SOX5: variants seen among roughly 807,000 people sequenced by gnomAD.
SOX5 encodes the protein transcription factor SOX-5.
A neutral mutation model predicts 92.0 loss-of-function variants in SOX5; 9 were observed. That is an observed-to-expected ratio of 0.10 (90% CI 0.06 to 0.17). The LOEUF (loss-of-function observed/expected upper bound fraction) is 0.17, where lower values mean the gene tolerates loss of function less well. Among genes scored for constraint, SOX5 ranks in the 10% least tolerant of loss-of-function variants. The pLI, the probability that SOX5 is intolerant of heterozygous loss-of-function variation, is 1.00. For missense variants in SOX5, 642 were observed against 944.5 expected (o/e 0.68, Z 4.20); for synonymous variants, 344 against 336.3 (o/e 1.02, Z -0.25).
At chr12:23,622,353 G>T (rs904377192) in intron 8 of SOX5, among the ~76,000 whole-genome samples, 2 of 151,694 alleles carry the variant, frequency 1.3e-5, no homozygotes, top group Non-Finnish European at 2.9e-5. Context: ...AGTCTATTCA[G>T]TTCATATTCC....
chr12:24,068,705 T>TGTGTGC (rs1941241621), intron 4 of SOX5, among the ~76,000 whole-genome samples: 1 of 41,388 alleles, frequency 2.4e-5, no homozygotes, highest in African/African-American at 1.1e-4. Flanking sequence ...TGTGTGTGTG[T>TGTGTGC]ATATATATAT....
intron 1 of SOX5, among the ~76,000 whole-genome samples, chr12:23,935,318 TTCA>T (rs1203738253): frequency 2.0e-5 from 3 of 151,210 alleles, no homozygotes; most frequent in African/African-American, 7.3e-5. Flanking sequence ...TATTTACCAA[TTCA>T]TCATCAACTT....
chr12:23,835,684 A>G (rs933015321), intron 3 of SOX5, among the ~76,000 whole-genome samples: 2 of 151,836 alleles, frequency 1.3e-5, no homozygotes, highest in Admixed American at 6.6e-5. Context: ...ATTTCAGATA[A>G]TATATTATTC....
intron 2 of SOX5, among the ~76,000 whole-genome samples, chr12:24,292,782 T>C (rs148872953): frequency 1.3e-5 from 2 of 152,358 alleles, no homozygotes; most frequent in East Asian, 3.9e-4. Flanking sequence ...TCAAGTTTCT[T>C]ATGAGCTGTA....
intron 3 of SOX5, among the ~76,000 whole-genome samples, chr12:23,828,614 G>T (rs573624320): frequency 1.9e-4 from 29 of 152,178 alleles, no homozygotes; most frequent in Admixed American, 1.3e-3. Context: ...TGACAGCCCA[G>T]AAACAATCAC....
At chr12:24,328,070 A>G (rs1950914159) in intron 2 of SOX5, among the ~76,000 whole-genome samples, 1 of 152,158 alleles carries the variant, frequency 6.6e-6, no homozygotes, top group Non-Finnish European at 1.5e-5. Context: ...TTTTAACCAC[A>G]TCTATCTTTC....
intron 4 of SOX5, among the ~76,000 whole-genome samples, chr12:24,125,513 C>T (rs566499540): frequency 3.5e-4 from 54 of 152,274 alleles, no homozygotes; most frequent in African/African-American, 1.3e-3. Context: ...GCCTCCCCGT[C>T]GTTACAGGTA....
intron 4 of SOX5, among the ~76,000 whole-genome samples, chr12:23,996,777 T>C (rs1478498326): frequency 6.6e-6 from 1 of 152,186 alleles, no homozygotes; most frequent in Non-Finnish European, 1.5e-5. Context: ...AACAGGTACA[T>C]GCACAGGGCA....
chr12:23,988,200 A>G (rs1289778602), intron 4 of SOX5, among the ~76,000 whole-genome samples: 1 of 152,200 alleles, frequency 6.6e-6, no homozygotes, highest in African/African-American at 2.4e-5. Context: ...GCAAGCTTGT[A>G]GGAAAAAATG....
At chr12:23,696,373 T>G (rs572227389) in intron 6 of SOX5, among the ~76,000 whole-genome samples, 45 of 152,298 alleles carry the variant, frequency 3.0e-4, no homozygotes, top group Admixed American at 5.9e-4. Context: ...CAGAGGGTTA[T>G]CTGTTATATA....
chr12:23,649,804 T>C (rs187174971), intron 7 of SOX5, among the ~76,000 whole-genome samples: 3 of 152,228 alleles, frequency 2.0e-5, no homozygotes, highest in Admixed American at 6.5e-5. Flanking sequence ...AATTCATCTC[T>C]ATACTGTATA....
chr12:24,079,522 A>G (rs1449443001), intron 4 of SOX5, among the ~76,000 whole-genome samples: 1 of 152,046 alleles, frequency 6.6e-6, no homozygotes, highest in African/African-American at 2.4e-5. Flanking sequence ...TTTTTATTAA[A>G]TGAGAGAACA....
intron 4 of SOX5, among the ~76,000 whole-genome samples, chr12:24,075,986 G>A (rs530546718): frequency 6.6e-6 from 1 of 152,266 alleles, no homozygotes; most frequent in South Asian, 2.1e-4. Flanking sequence ...AGTAAAGGAG[G>A]AGGACACTGG....
At chr12:23,545,866 C>A (rs973016815) in intron 12 of SOX5, among the ~76,000 whole-genome samples, 5 of 149,918 alleles carry the variant, frequency 3.3e-5, no homozygotes, top group African/African-American at 1.2e-4. Flanking sequence ...GTAAGTAAGT[C>A]CTCATCTCAA....
At chr12:24,263,014 G>C (rs1220548325) in intron 3 of SOX5, among the ~76,000 whole-genome samples, 2 of 152,022 alleles carry the variant, frequency 1.3e-5, no homozygotes, top group Admixed American at 1.3e-4. Flanking sequence ...CTGAGGTCAG[G>C]AGTTCGAGGC....
At chr12:24,238,615 C>A (rs968644442) in intron 3 of SOX5, among the ~76,000 whole-genome samples, 2 of 152,116 alleles carry the variant, frequency 1.3e-5, no homozygotes, top group African/African-American at 4.8e-5. Context: ...CCTCAGCTTC[C>A]CAAAGTGCTG....
intron 4 of SOX5, among the ~76,000 whole-genome samples, chr12:23,998,330 T>C (rs956691378): frequency 6.6e-6 from 1 of 152,112 alleles, no homozygotes; most frequent in East Asian, 1.9e-4. Context: ...AACAGTAGAT[T>C]TGCCTGGCCT....
At chr12:24,129,386 C>T (rs1231880374) in intron 4 of SOX5, among the ~76,000 whole-genome samples, 2 of 152,006 alleles carry the variant, frequency 1.3e-5, no homozygotes, top group Non-Finnish European at 2.9e-5. Flanking sequence ...TTTTATTACC[C>T]AGTGTGTTAT....
chr12:23,554,429 C>T (rs924710323), intron 11 of SOX5, among the ~76,000 whole-genome samples: 6 of 152,214 alleles, frequency 3.9e-5, no homozygotes, highest in East Asian at 1.9e-4. Context: ...ACAGGAACTG[C>T]GTTACTTTCT....
Sources: gnomAD v4.1 joint callset for allele counts (sites outside exome capture counted in the v4.1 genomes callset) on GRCh38, gnomAD v4.1.1 for gene constraint, MANE v1.5 for transcripts, NCBI Gene and HGNC (gene_info 2026-07-23, HGNC 2026-07-21) for gene names.